RYR3: variants seen among roughly 807,000 people sequenced by gnomAD.
The protein encoded by RYR3 is brain ryanodine receptor-calcium release channel.
Under a neutral mutation model 584.3 loss-of-function variants are expected in RYR3, and 207 were observed. The ratio of observed to expected loss-of-function variants is 0.35; its 90% confidence interval spans 0.32 to 0.40. RYR3 has a LOEUF of 0.40. Ranked by LOEUF, RYR3 falls within the 10% of genes least tolerant of loss-of-function variation. The pLI is 1.00. For missense variants in RYR3, 5,616 were observed against 6,089.2 expected, an observed-to-expected ratio of 0.92 and a Z score of 2.59; for synonymous variants, 2,416 against 2,248.5, an observed-to-expected ratio of 1.07 and a Z score of -2.11.
At chr15:33,357,187 C>A (rs1974103462) in intron 1 of RYR3, among the ~76,000 whole-genome samples, 1 of 152,190 alleles carries the variant, frequency 6.6e-6, no homozygotes, top group South Asian at 2.1e-4. Flanking sequence ...ACTTCTGCCA[C>A]TTATCAGACC....
rs531275632 is a variant in RYR3 at position 33,548,570 on chromosome 15, A to T, written c.815+366A>T. 1.8e-4 allele frequency among the ~76,000 whole-genome samples: 27 copies of T among 152,348 alleles called. 1 individual carries two copies. Among genetic ancestry groups the T allele is most frequent in the Admixed American group, 1.6e-3 (24 of 15,296 alleles). ...TCAGTAGCTTTGTTGGCTCCAGTGG[A>T]CAGTTAGCTTTAAATGGCACACAGA... On this transcript the variant is annotated intron_variant, in intron 9 of 103. Transcript: ENST00000634891.
chr15:33,679,776 G>A (rs1166995948), intron 38 of RYR3, among the ~76,000 whole-genome samples: 1 of 152,156 alleles, frequency 6.6e-6, no homozygotes, highest in Admixed American at 6.5e-5. Flanking sequence ...TTTTATTGGT[G>A]AAGAAATCAA....
At chr15:33,692,921 G>C (rs549550002) in intron 38 of RYR3, among the ~76,000 whole-genome samples, 26 of 152,084 alleles carry the variant, frequency 1.7e-4, no homozygotes, top group Non-Finnish European at 2.1e-4. Flanking sequence ...ATATGTACTT[G>C]GTTTTATTAT....
intron 36 of RYR3, among the ~76,000 whole-genome samples, chr15:33,664,716 G>T (rs2063397101): frequency 6.6e-6 from 1 of 151,126 alleles, no homozygotes; most frequent in East Asian, 2.0e-4. Flanking sequence ...TGTTTGGATT[G>T]CTTAGCATGA....
chr15:33,819,795 C>T lies in RYR3; in HGVS notation c.10746C>T (p.Ser3582=). The stretch of plus-strand genomic sequence containing the variant: ...ACCCTTTGTACACCTCCTATTCCAG[C>T]ATGATGGCCAAGGTACACCCAGGTT... ...EDDPLYTSYS[S]MMAKSCQSGE... is the part of the protein sequence containing the mutation. Residue 3582 remains serine, a synonymous_variant, in exon 77 of 104, where the codon AGC becomes AGT. Coordinates refer to ENST00000634891, the MANE Select transcript of RYR3 (RefSeq NM_001036.6). The T allele has an allele frequency of 6.3e-7, 1 of 1,587,942 alleles. No homozygotes were observed.
chr15:33,311,415 T>TTG lies in RYR3; in HGVS notation c.51+321_51+322dup, dbSNP rs1967256487. 6.6e-6 allele frequency among the ~76,000 whole-genome samples: 1 copy of TTG among 152,226 alleles called. No individual in the cohort carries two copies. The highest frequency in any genetic ancestry group is 1.5e-5 in the Non-Finnish European group (1 of 68,038). ...TTGATGCCCAAACTTCAGCCGGGGT[T>TTG]TGTTCGCGGTTGTCCTGACCCATAA... On this transcript the variant is annotated intron_variant, in intron 1 of 103. Transcript: ENST00000634891. This position sits in a 1 kb window ranked among gnomAD's most constrained non-coding sequence, Gnocchi z 4.4.
chr15:33,435,852 A>C (rs1392242372), intron 1 of RYR3, among the ~76,000 whole-genome samples: 6 of 152,234 alleles, frequency 3.9e-5, no homozygotes, highest in African/African-American at 1.4e-4. Context: ...CAAAGCTTCC[A>C]CAGCGTGGCA....
chr15:33,670,694 G>A (rs755820622), intron 38 of RYR3, 138 bp downstream of exon 38: 31 of 859,256 alleles, frequency 3.6e-5, no homozygotes, highest in African/African-American at 5.3e-5. Context: ...TATAATTGCT[G>A]GTGGTTCAGT....
chr15:33,401,737 ATGT>A (rs1334210015), intron 1 of RYR3, among the ~76,000 whole-genome samples: 3 of 152,188 alleles, frequency 2.0e-5, no homozygotes, highest in African/African-American at 7.2e-5. Context: ...ACCCCTACAA[ATGT>A]TGTTATATGG....
chr15:33,711,532 C>T (rs943559225), intron 43 of RYR3, among the ~76,000 whole-genome samples: 7 of 152,110 alleles, frequency 4.6e-5, no homozygotes, highest in Non-Finnish European at 1.0e-4. Flanking sequence ...CATGAGCCAC[C>T]GCACCCGGCT....
chr15:33,697,438 G>A (rs190227942), intron 39 of RYR3, among the ~76,000 whole-genome samples: 16 of 152,246 alleles, frequency 1.1e-4, no homozygotes, highest in Non-Finnish European at 2.1e-4. Flanking sequence ...ACCCAGCAAG[G>A]GAGTACACAG....
intron 1 of RYR3, among the ~76,000 whole-genome samples, chr15:33,372,358 A>ATTTTTTTTTTTTTTTTTTTTTTTTTT (rs59663566): frequency 2.6e-5 from 2 of 75,550 alleles, no homozygotes; most frequent in Non-Finnish European, 4.7e-5. Flanking sequence ...TGCCCGGCTA[A>ATTTTTTTTTTTTTTTTTTTTTTTTTT]TTTTTTTTTT....
Position 33,601,472 on chromosome 15 carries a change from C to T in RYR3, c.1842C>T (p.Ala614=), listed in dbSNP as rs2059657527. Reference sequence around the variant, plus strand: ...TCTGCAATGGGGTTGCAGTGAGAGCCAACCAGAATCTGATCTGTGACAACT... The same window carrying T: ...TCTGCAATGGGGTTGCAGTGAGAGCTAACCAGAATCTGATCTGTGACAACT... ...LCLCNGVAVR[A]NQNLICDNLL... is the part of the protein sequence containing the mutation. Residue 614 remains alanine, a synonymous_variant, in exon 17 of 104, where the codon GCC becomes GCT. Coordinates refer to ENST00000634891, the MANE Select transcript of RYR3 (RefSeq NM_001036.6). 1.9e-6 allele frequency: 3 copies of T among 1,613,412 alleles called. No individual in the cohort carries two copies. The highest frequency in any genetic ancestry group is 1.1e-5 in the South Asian group (1 of 90,928).
intron 1 of RYR3, among the ~76,000 whole-genome samples, chr15:33,347,422 A>G (rs941720203): frequency 9.3e-5 from 14 of 150,492 alleles, no homozygotes; most frequent in Non-Finnish European, 7.4e-5. Flanking sequence ...CTTGTTGCTC[A>G]TGTTGTGTCA....
At chr15:33,723,960 G>C in intron 44 of RYR3, 105 bp from the exon 45 acceptor site, 1 of 644,084 alleles carries the variant, frequency 1.6e-6, no homozygotes. Context: ...AAGGATGTAT[G>C]ATATGCAAGA....
Position 33,861,325 on chromosome 15 carries a change from C to A in RYR3, c.14465+147C>A, listed in dbSNP as rs996177115. The A allele has an allele frequency of 6.9e-6, 4 of 575,900 alleles. No homozygotes were observed. In the East Asian group the frequency reaches 1.2e-4, roughly 18 times the overall value. 35.7% of individuals were successfully genotyped at this position (575,900 alleles called of 1,614,324 possible). Reference sequence around the variant, plus strand: ...GAGCCTGTACCTTTGTCCATAGACTCTGTCTCTCCCATGTGTGATAGACGT... The same window carrying A: ...GAGCCTGTACCTTTGTCCATAGACTATGTCTCTCCCATGTGTGATAGACGT... On this transcript the variant is annotated intron_variant, in intron 102 of 103. Transcript: ENST00000634891.
At chr15:33,826,172 C>T in intron 82 of RYR3, 80 bp from the exon 83 acceptor site, 1 of 1,382,100 alleles carries the variant, frequency 7.2e-7, no homozygotes, top group Non-Finnish European at 1.0e-6. Flanking sequence ...GTTCACATAG[C>T]CAGTTTTAAC....
intron 1 of RYR3, among the ~76,000 whole-genome samples, chr15:33,339,086 A>G (rs1333501709): frequency 6.6e-6 from 1 of 152,220 alleles, no homozygotes; most frequent in Non-Finnish European, 1.5e-5. Context: ...GGCTGTTAAT[A>G]TATCATGTAT....
chr15:33,461,829 A>C (rs1157089840), intron 1 of RYR3, among the ~76,000 whole-genome samples: 1 of 152,188 alleles, frequency 6.6e-6, no homozygotes, highest in Non-Finnish European at 1.5e-5. Flanking sequence ...AAACCAGTGC[A>C]ACCCCAAGCC....
Sources: gnomAD v4.1 joint callset for allele counts (sites outside exome capture counted in the v4.1 genomes callset) on GRCh38, gnomAD v4.1.1 for gene constraint, Gnocchi (gnomAD v3.1) non-coding constraint, MANE v1.5 for transcripts, NCBI Gene and HGNC (gene_info 2026-07-23, HGNC 2026-07-21) for gene names.